The following ZBTB16 variants were observed in gnomAD, a reference collection of about 807,000 sequenced individuals.
The protein encoded by ZBTB16 is zinc finger and BTB domain containing 16, also known as zinc finger and BTB domain-containing protein 16.
In ZBTB16, 8 loss-of-function variants were observed where a neutral mutation model predicts 56.8. The ratio of observed to expected loss-of-function variants is 0.14; its 90% CI spans 0.08 to 0.25. The LOEUF (loss-of-function observed/expected upper bound fraction) is 0.25. ZBTB16 is among the 10% of genes least tolerant of loss of function. The pLI is 1.00. For missense variants in ZBTB16, 625 were observed against 903.0 expected (o/e 0.69, Z 3.95); for synonymous variants, 363 against 368.5 (o/e 0.98, Z 0.17).
intron 2 of ZBTB16, among the ~76,000 whole-genome samples, chr11:114,086,733 T>G (rs1939968592): frequency 6.6e-6 from 1 of 152,204 alleles, no homozygotes; most frequent in South Asian, 2.1e-4. Flanking sequence ...TCTCTCCAGC[T>G]TTGGACTTCT....
rs1235879496 is a variant in ZBTB16, at chr11:114,250,250, C to T, written c.1793-76C>T. ...CTGGAGGAACCCAGCTTCCCTGGCA[C>T]GCCTGAGGGTGACATGGTGCCCTCA... On this transcript the variant is annotated intron_variant, in intron 6 of 6. Transcript: ENST00000335953. The surrounding 1 kb of genome is among the most constrained non-coding windows in gnomAD (Gnocchi z 6.0). The T allele has an allele frequency of 5.1e-5, 78 of 1,533,440 alleles. No homozygotes were observed. Among genetic ancestry groups the T allele is most frequent in the South Asian group, 1.5e-4 (13 of 89,506 alleles). 95.0% of individuals were successfully genotyped at this position (1,533,440 alleles called of 1,614,324 possible). A position where few individuals can be genotyped will look rare whatever the true frequency, so the allele number is the denominator to read the frequency against.
chr11:114,205,132 G>A (rs891291257), intron 4 of ZBTB16, among the ~76,000 whole-genome samples: 14 of 152,118 alleles, frequency 9.2e-5, no homozygotes, highest in Non-Finnish European at 1.6e-4. Context: ...AATTTCGGCC[G>A]GGCGCGGTGG....
intron 2 of ZBTB16, among the ~76,000 whole-genome samples, chr11:114,150,707 G>GA (rs1424978642): frequency 6.6e-6 from 1 of 152,228 alleles, no homozygotes; most frequent in Non-Finnish European, 1.5e-5. Flanking sequence ...AAGGTCTAAG[G>GA]AGGAAGAGTG....
chr11:114,090,903 A>T (rs562866168), intron 2 of ZBTB16, among the ~76,000 whole-genome samples: 1 of 152,178 alleles, frequency 6.6e-6, no homozygotes, highest in East Asian at 1.9e-4. Flanking sequence ...TTTGGTTTCC[A>T]CTTATTTATT....
intron 4 of ZBTB16, among the ~76,000 whole-genome samples, chr11:114,235,009 A>ATCT (rs1944534285): frequency 6.8e-6 from 1 of 147,974 alleles, no homozygotes; most frequent in Non-Finnish European, 1.5e-5. Flanking sequence ...CCAGGATGTC[A>ATCT]GAGGGAGCAG....
At chr11:114,229,154 C>T (rs111394344) in intron 4 of ZBTB16, among the ~76,000 whole-genome samples, 2,632 of 152,278 alleles carry the variant, frequency 0.017, 80 homozygotes, top group African/African-American at 0.06. Context: ...AATTTAATTG[C>T]GAGTGGCCTG....
chr11:114,199,742 G>A (rs1943691846), intron 4 of ZBTB16, among the ~76,000 whole-genome samples: 1 of 152,182 alleles, frequency 6.6e-6, no homozygotes, highest in African/African-American at 2.4e-5. Flanking sequence ...TTCTGATCTT[G>A]CATTGATGGT....
intron 4 of ZBTB16, among the ~76,000 whole-genome samples, chr11:114,234,822 C>G (rs770267732): frequency 3.3e-5 from 5 of 152,214 alleles, no homozygotes; most frequent in East Asian, 1.9e-4. Context: ...GCCTCTGCCT[C>G]TCTTTCTCTC....
intron 2 of ZBTB16, among the ~76,000 whole-genome samples, chr11:114,099,851 A>C (rs1025405997): frequency 2.6e-5 from 4 of 152,228 alleles, no homozygotes; most frequent in Non-Finnish European, 5.9e-5. Context: ...TCAAAGTGTA[A>C]AGCATGGATT....
At chr11:114,162,586 T>C (rs1942620230) in intron 3 of ZBTB16, among the ~76,000 whole-genome samples, 1 of 152,186 alleles carries the variant, frequency 6.6e-6, no homozygotes. Context: ...CCATGCACCC[T>C]CTGCCCACTC....
intron 3 of ZBTB16, among the ~76,000 whole-genome samples, chr11:114,180,396 G>A (rs1002243192): frequency 6.6e-6 from 1 of 152,212 alleles, no homozygotes; most frequent in Admixed American, 6.5e-5. Context: ...GCAGATCACT[G>A]CCTGGGGGGC....
intron 3 of ZBTB16, among the ~76,000 whole-genome samples, chr11:114,181,528 A>G (rs747154744): frequency 1.3e-5 from 2 of 152,220 alleles, no homozygotes; most frequent in Non-Finnish European, 2.9e-5. Context: ...GTGATTGACA[A>G]GGAGTTTTGT....
intron 2 of ZBTB16, among the ~76,000 whole-genome samples, chr11:114,096,423 A>G (rs1297496328): frequency 2.0e-5 from 3 of 152,244 alleles, no homozygotes; most frequent in African/African-American, 7.2e-5. Context: ...GAGAGATGGG[A>G]GAATAGACCT....
intron 4 of ZBTB16, among the ~76,000 whole-genome samples, chr11:114,191,958 T>C (rs1943504913): frequency 6.6e-6 from 1 of 152,196 alleles, no homozygotes; most frequent in Non-Finnish European, 1.5e-5. Flanking sequence ...GGACTGACCA[T>C]AGAGAGTGTT....
intron 4 of ZBTB16, among the ~76,000 whole-genome samples, chr11:114,220,047 G>A (rs1478593526): frequency 2.0e-5 from 3 of 152,240 alleles, no homozygotes; most frequent in Admixed American, 6.5e-5. Context: ...CTAGAGAGAG[G>A]TGAGGAAAGA....
chr11:114,087,821 C>G (rs1431185937), intron 2 of ZBTB16, among the ~76,000 whole-genome samples: 1 of 152,210 alleles, frequency 6.6e-6, no homozygotes, highest in Non-Finnish European at 1.5e-5. Flanking sequence ...ATCCCTTTCT[C>G]TGCATATTTC....
intron 3 of ZBTB16, among the ~76,000 whole-genome samples, chr11:114,158,822 C>G (rs1280027105): frequency 6.6e-6 from 1 of 152,242 alleles, no homozygotes; most frequent in East Asian, 1.9e-4. Context: ...AGCACACTGC[C>G]TGGCACATTA....
intron 1 of ZBTB16, among the ~76,000 whole-genome samples, chr11:114,062,050 C>A (rs931528227): frequency 1.3e-5 from 2 of 151,954 alleles, no homozygotes; most frequent in Non-Finnish European, 2.9e-5. Context: ...CAGTTGTGGG[C>A]AGGAGGGTAG....
intron 2 of ZBTB16, among the ~76,000 whole-genome samples, chr11:114,078,270 G>A (rs1328322661): frequency 6.6e-6 from 1 of 152,196 alleles, no homozygotes; most frequent in Admixed American, 6.5e-5. Flanking sequence ...AAAGGGTGGA[G>A]GTTATCTTTG....
Sources: gnomAD v4.1 joint callset for allele counts (sites outside exome capture counted in the v4.1 genomes callset) on GRCh38, gnomAD v4.1.1 for gene constraint, Gnocchi (gnomAD v3.1) non-coding constraint, MANE v1.5 for transcripts, NCBI Gene and HGNC (gene_info 2026-07-23, HGNC 2026-07-21) for gene names.